PTPRT: variants seen among roughly 807,000 people sequenced by gnomAD.
The protein encoded by PTPRT is receptor-type tyrosine-protein phosphatase T.
In PTPRT, 56 loss-of-function variants were observed where a neutral mutation model predicts 176.8. The ratio of observed to expected loss-of-function variants is 0.32; its 90% CI spans 0.26 to 0.40. The LOEUF (loss-of-function observed/expected upper bound fraction) is 0.40. Among genes scored for constraint, PTPRT ranks in the 10% least tolerant of loss-of-function variants. PTPRT has a pLI of 1.00. For missense variants in PTPRT, 1,540 were observed against 1,908.2 expected, an observed-to-expected ratio of 0.81 and a Z score of 3.60; for synonymous variants, 783 against 739.0, an observed-to-expected ratio of 1.06 and a Z score of -0.96.
intron 2 of PTPRT, among the ~76,000 whole-genome samples, chr20:42,830,280 T>C (rs1216481650): frequency 6.6e-6 from 1 of 152,192 alleles, no homozygotes; most frequent in African/African-American, 2.4e-5. Flanking sequence ...AGGATGCAAG[T>C]GGTTGGTTCA....
chr20:42,452,429 T>G (rs545207549), intron 8 of PTPRT, among the ~76,000 whole-genome samples: 1 of 152,138 alleles, frequency 6.6e-6, no homozygotes, highest in South Asian at 2.1e-4. Context: ...TGCTAATGCT[T>G]TGTACGGAGG....
At chr20:42,599,818 A>C (rs1299565624) in intron 7 of PTPRT, among the ~76,000 whole-genome samples, 2 of 152,164 alleles carry the variant, frequency 1.3e-5, no homozygotes, top group African/African-American at 4.8e-5. Context: ...CCAAGCTACC[A>C]TTGCAAGACA....
intron 7 of PTPRT, among the ~76,000 whole-genome samples, chr20:42,573,263 C>A (rs1382822783): frequency 1.3e-5 from 2 of 152,150 alleles, no homozygotes; most frequent in African/African-American, 2.4e-5. Flanking sequence ...ACAAGCCCAG[C>A]CTGCACTGGG....
At chr20:42,580,086 T>C (rs1221302435) in intron 7 of PTPRT, among the ~76,000 whole-genome samples, 2 of 152,192 alleles carry the variant, frequency 1.3e-5, no homozygotes, top group Non-Finnish European at 2.9e-5. Context: ...TTCTATTAGG[T>C]GTAAGGAAGG....
At chr20:42,771,395 C>T (rs2077060246) in intron 5 of PTPRT, 40 bp downstream of exon 5, 1 of 1,537,252 alleles carries the variant, frequency 6.5e-7, no homozygotes, top group African/African-American at 1.4e-5. Flanking sequence ...TTCCCTTTCT[C>T]ATCCTAACGA....
chr20:42,623,261 A>G (rs2074232027), intron 7 of PTPRT, among the ~76,000 whole-genome samples: 1 of 152,210 alleles, frequency 6.6e-6, no homozygotes, highest in African/African-American at 2.4e-5. Context: ...ATGCTGTAAC[A>G]TGCCCGCTGG....
intron 1 of PTPRT, among the ~76,000 whole-genome samples, chr20:42,887,471 C>T (rs1002242459): frequency 1.3e-5 from 2 of 152,178 alleles, no homozygotes; most frequent in African/African-American, 2.4e-5. Context: ...GCCACTCAGT[C>T]ATGGTATTTT....
At chr20:42,570,627 T>C (rs1430674473) in intron 7 of PTPRT, among the ~76,000 whole-genome samples, 1 of 152,294 alleles carries the variant, frequency 6.6e-6, no homozygotes, top group Non-Finnish European at 1.5e-5. Flanking sequence ...TTTATATCTC[T>C]TGGTACCTGA....
chr20:42,265,093 A>G (rs556665177), intron 13 of PTPRT, among the ~76,000 whole-genome samples: 4 of 152,208 alleles, frequency 2.6e-5, no homozygotes, highest in Non-Finnish European at 5.9e-5. Context: ...ATAACTGGTC[A>G]TTTTTAGTAT....
chr20:42,943,382 C>T (rs1182714303), intron 1 of PTPRT, among the ~76,000 whole-genome samples: 1 of 152,146 alleles, frequency 6.6e-6, no homozygotes, highest in East Asian at 1.9e-4. Context: ...GCAGAGCCTT[C>T]GGGTCAGAAG....
intron 6 of PTPRT, among the ~76,000 whole-genome samples, chr20:42,741,566 G>A (rs533240817): frequency 8.6e-5 from 13 of 152,006 alleles, no homozygotes; most frequent in East Asian, 3.9e-4. Flanking sequence ...GGCTGGTCTC[G>A]AACTCCTCAC....
At position 42,676,275 on chromosome 20, in the gene PTPRT, CT is replaced by C. The variant is rs2075500331; in HGVS notation, c.1153+1590del. Among the ~76,000 whole-genome samples the C allele has an allele frequency of 5.3e-5, 8 of 152,316 alleles. No homozygotes were observed. In the South Asian group the frequency reaches 1.7e-3, roughly 32 times the overall value. The stretch of plus-strand genomic sequence containing the variant: ...CACTAAGGAAGTATGAATATGGCCC[CT>C]AGCCCCATTTTTTCCATAATCCCTG... On this transcript the variant is annotated intron_variant, in intron 7 of 30. Coordinates refer to ENST00000373187, the MANE Select transcript of PTPRT (RefSeq NM_007050.6).
At chr20:42,883,158 T>A (rs2145858019) in intron 2 of PTPRT, among the ~76,000 whole-genome samples, 1 of 152,276 alleles carries the variant, frequency 6.6e-6, no homozygotes, top group Non-Finnish European at 1.5e-5. Flanking sequence ...AGAAAAGAAG[T>A]AACATGAACA....
In PTPRT at chr20:42,082,029, G is replaced by A; in HGVS notation, c.4137-12C>T. The A allele has an allele frequency of 6.2e-7, 1 of 1,614,090 alleles. No individual in the cohort carries two copies. Among genetic ancestry groups the A allele is most frequent in the Middle Eastern group, 1.7e-4 (1 of 5,980 alleles). On this transcript the variant is annotated splice_polypyrimidine_tract_variant and intron_variant, in intron 29 of 30. Transcript: ENST00000373187. ...GGCCTCCCCCATTTCTAAACACAGAGCAAAGAGGTGAGCCATGTTCCTAGG... is the reference window on the plus strand; with the variant it reads ...GGCCTCCCCCATTTCTAAACACAGAACAAAGAGGTGAGCCATGTTCCTAGG...
intron 2 of PTPRT, among the ~76,000 whole-genome samples, chr20:42,856,165 A>G (rs2078559336): frequency 6.6e-6 from 1 of 152,208 alleles, no homozygotes; most frequent in South Asian, 2.1e-4. Flanking sequence ...CAATAAATTT[A>G]GAGACAGATT....
At chr20:42,224,644 T>A (rs1017121134) in intron 15 of PTPRT, among the ~76,000 whole-genome samples, 6 of 152,192 alleles carry the variant, frequency 3.9e-5, no homozygotes, top group African/African-American at 1.4e-4. Flanking sequence ...CGGTTTCAGA[T>A]TAGAATAACC....
At chr20:42,603,532 AG>A (rs2073821041) in intron 7 of PTPRT, among the ~76,000 whole-genome samples, 1 of 152,196 alleles carries the variant, frequency 6.6e-6, no homozygotes, top group Non-Finnish European at 1.5e-5. Context: ...TGGTGCGACT[AG>A]ATCTTGCTGG....
chr20:42,284,705 A>C (rs1216907456), intron 12 of PTPRT, among the ~76,000 whole-genome samples: 8 of 151,996 alleles, frequency 5.3e-5, no homozygotes, highest in African/African-American at 1.9e-4. Context: ...CAGTGCAAAG[A>C]CTGTCTTAAA....
intron 9 of PTPRT, among the ~76,000 whole-genome samples, chr20:42,440,821 G>A (rs180779128): frequency 8.3e-4 from 126 of 152,290 alleles, no homozygotes; most frequent in African/African-American, 2.9e-3. Flanking sequence ...CTAGAGAACT[G>A]GGGAAAGCTG....
Sources: allele counts gnomAD v4.1 joint callset (sites outside exome capture counted in the v4.1 genomes callset), GRCh38; gene constraint gnomAD v4.1.1; transcripts MANE v1.5; gene names NCBI Gene and HGNC (gene_info 2026-07-23, HGNC 2026-07-21).